PCDHA4: variants seen among roughly 807,000 people sequenced by gnomAD.
PCDHA4 encodes protocadherin alpha 4.
Under a neutral mutation model 61.4 loss-of-function variants are expected in PCDHA4, and 49 were observed. The observed-to-expected ratio is 0.80, with a 90% CI of 0.63 to 1.01. The LOEUF (loss-of-function observed/expected upper bound fraction) is 1.01, where lower values mean the gene tolerates loss of function less well. PCDHA4 is among the 50% of genes least tolerant of loss of function. The pLI is 0.00. For missense variants in PCDHA4, 1,254 were observed against 1,235.8 expected (o/e 1.01, Z -0.22); for synonymous variants, 590 against 550.3 (o/e 1.07, Z -1.01).
chr5:140,883,594 G>C (rs1562791129), intron 1 of PCDHA4: 5 of 1,614,032 alleles, frequency 3.1e-6, no homozygotes, highest in South Asian at 1.1e-5. Context: ...CCAGCGTGTC[G>C]GTGGGGGTGG....
At chr5:140,917,211 C>T (rs938458701) in intron 1 of PCDHA4, among the ~76,000 whole-genome samples, 3 of 151,636 alleles carry the variant, frequency 2.0e-5, no homozygotes, top group Non-Finnish European at 2.9e-5. Context: ...TTCAATGCCT[C>T]TTTTAGTGAT....
At chr5:140,983,977 C>T (rs566705604) in intron 3 of PCDHA4, among the ~76,000 whole-genome samples, 20 of 152,234 alleles carry the variant, frequency 1.3e-4, no homozygotes, top group Non-Finnish European at 2.4e-4. Flanking sequence ...AAAAAATATA[C>T]GAGTTGAAGC....
chr5:140,845,818 A>T (rs1554141021), intron 1 of PCDHA4, among the ~76,000 whole-genome samples: 2 of 149,728 alleles, frequency 1.3e-5, no homozygotes, highest in Admixed American at 1.3e-4. Flanking sequence ...ACATAATAAA[A>T]TTTAGTTATT....
In PCDHA4 at chr5:140,856,840, C is replaced by T. The variant is rs782759448; in HGVS notation, c.2385+47268C>T. On this transcript the variant is annotated intron_variant, in intron 1 of 3. Transcript: ENST00000530339. ...ACCAAACATTAGTAATACGGCTCAA[C>T]GCTTCTGATTCGGATGAAGGAATAA... is the stretch of plus-strand genomic sequence containing the variant. The T allele has an allele frequency of 7.5e-6, 12 of 1,591,778 alleles. 2 individuals are homozygous for T. The highest frequency in any genetic ancestry group is 4.0e-5 in the African/African-American group (3 of 74,140).
At chr5:140,864,745 T>G (rs528957668) in intron 1 of PCDHA4, 1 of 152,328 alleles carries the variant, frequency 6.6e-6, no homozygotes, top group Non-Finnish European at 1.5e-5. Flanking sequence ...GAGCACCGAT[T>G]ATACTCATTT....
intron 1 of PCDHA4, chr5:140,876,965 G>C (rs1554169161): frequency 1.9e-6 from 3 of 1,612,976 alleles, no homozygotes; most frequent in East Asian, 2.2e-5. Flanking sequence ...GTGGAGCGGC[G>C]GGTGGGCGAG....
At chr5:140,988,424 G>C (rs1563549055) in intron 3 of PCDHA4, among the ~76,000 whole-genome samples, 1 of 152,158 alleles carries the variant, frequency 6.6e-6, no homozygotes, top group Non-Finnish European at 1.5e-5. Context: ...TAAAGAATTT[G>C]TTTGTTTTGG....
At chr5:140,866,812 C>A (rs1172521123) in intron 1 of PCDHA4, 1 of 152,120 alleles carries the variant, frequency 6.6e-6, no homozygotes, top group Non-Finnish European at 1.5e-5. Context: ...CACAAAGTTC[C>A]TTAATCTTCA....
rs143191768 is a variant in PCDHA4 at position 140,808,543 on chromosome 5, T to C, written c.1356T>C (p.Ala452=). The C allele has an allele frequency of 1.3e-5, 21 of 1,613,932 alleles. No homozygotes were observed. The highest frequency in any genetic ancestry group is 1.7e-5 in the Non-Finnish European group (20 of 1,180,032). ...SVEVADVNDN[A]PAFAQPEYTV... ...AGGTGGCTGATGTGAACGACAACGC[T>C]CCGGCGTTCGCGCAGCCCGAGTACA... is the stretch of plus-strand genomic sequence containing the variant. The change falls in exon 1 of 4, where the codon GCT becomes GCC. Residue 452 remains alanine (A), a synonymous_variant. Coordinates refer to ENST00000530339, the MANE Select transcript of PCDHA4 (RefSeq NM_018907.4).
chr5:140,845,026 C>T (rs1193060489), intron 1 of PCDHA4, among the ~76,000 whole-genome samples: 2 of 149,188 alleles, frequency 1.3e-5, no homozygotes, highest in Non-Finnish European at 3.0e-5. Flanking sequence ...CATTTATGGG[C>T]ATATTTTAGC....
chr5:140,851,348 A>G (rs2042033345), intron 1 of PCDHA4: 1 of 977,536 alleles, frequency 1.0e-6, no homozygotes, highest in African/African-American at 1.7e-5. Context: ...ATTTCTCTGG[A>G]TGGAGACTGT....
At chr5:140,924,894 CAAAAAA>C (rs782133089) in intron 1 of PCDHA4, among the ~76,000 whole-genome samples, 79 of 71,496 alleles carry the variant, frequency 1.1e-3, no homozygotes, top group African/African-American at 2.7e-3. Flanking sequence ...GAACCTGTCT[CAAAAAA>C]AAAAATAAAA....
Position 140,883,273 on chromosome 5 carries a change from C to A in PCDHA4, c.2385+73701C>A, listed in dbSNP as rs370482487. Reference sequence around the variant, plus strand: ...ATATTCCAATGGCGGGTCATTGTACCCTTTTGGTGGAAGTACTAGATGTAA... The same window carrying A: ...ATATTCCAATGGCGGGTCATTGTACACTTTTGGTGGAAGTACTAGATGTAA... On this transcript the variant is annotated intron_variant, in intron 1 of 3. Transcript: ENST00000530339. 10 of 1,613,676 alleles carry A rather than the reference C, an allele frequency of 6.2e-6. No homozygotes were observed. The Middle Eastern group carries it at 6.6e-4, about 106-fold the overall frequency.
chr5:140,995,367 T>G (rs2153932865), intron 3 of PCDHA4, among the ~76,000 whole-genome samples: 1 of 152,280 alleles, frequency 6.6e-6, no homozygotes, highest in East Asian at 1.9e-4. Context: ...AGAGGGATGA[T>G]TCACGTACTG....
chr5:140,882,143 C>A, intron 1 of PCDHA4: 2 of 1,494,048 alleles, frequency 1.3e-6, no homozygotes, highest in Admixed American at 2.3e-5. Context: ...GAAAATATAG[C>A]AGAAAGCGGA....
chr5:140,864,096 T>A (rs1459291547), intron 1 of PCDHA4: 1 of 152,388 alleles, frequency 6.6e-6, no homozygotes, highest in South Asian at 2.1e-4. Context: ...TTGATAAGTA[T>A]AATGATAATA....
chr5:140,989,939 C>T (rs533490284), intron 3 of PCDHA4, among the ~76,000 whole-genome samples: 2 of 152,004 alleles, frequency 1.3e-5, no homozygotes, highest in South Asian at 2.1e-4. Flanking sequence ...TGACATTCCA[C>T]GTTTTTCTCG....
chr5:140,947,872 T>C (rs2094186307), intron 1 of PCDHA4, among the ~76,000 whole-genome samples: 1 of 151,588 alleles, frequency 6.6e-6, no homozygotes, highest in Admixed American at 6.6e-5. Context: ...GGCTAGGACT[T>C]CCAGGACAAT....
In PCDHA4 at chr5:140,841,681, C is replaced by T. The variant is rs2150320703; in HGVS notation, c.2385+32109C>T. 2.5e-6 allele frequency: 4 copies of T among 1,613,906 alleles called. No individual in the cohort carries two copies. In the South Asian group the frequency reaches 4.4e-5, roughly 18 times the overall value. ...GGCCGCTGCAGGTTTTCCATGTGGA[C>T]GTGGAGGTGAAGGATGTTAATGACA... On this transcript the variant is annotated intron_variant, in intron 1 of 3. Transcript: ENST00000530339.
Sources: gnomAD v4.1 joint callset for allele counts (sites outside exome capture counted in the v4.1 genomes callset) on GRCh38, gnomAD v4.1.1 for gene constraint, MANE v1.5 for transcripts, NCBI Gene and HGNC (gene_info 2026-07-23, HGNC 2026-07-21) for gene names.